RNF10: variants seen among roughly 807,000 people sequenced by gnomAD.
RNF10 encodes the protein E3 ubiquitin-protein ligase RNF10.
In RNF10, 38 loss-of-function variants were observed where a neutral mutation model predicts 91.4. The ratio of observed to expected loss-of-function variants is 0.42; its 90% CI spans 0.32 to 0.54. The LOEUF (loss-of-function observed/expected upper bound fraction) is 0.54, where lower values mean the gene tolerates loss of function less well. Among genes scored for constraint, RNF10 ranks in the 20% least tolerant of loss-of-function variants. RNF10 has a pLI of 0.16. For synonymous variants in RNF10, 364 were observed against 366.3 expected (o/e 0.99, Z 0.07); for missense variants, 945 against 1,012.0 (o/e 0.93, Z 0.90).
Position 120,557,524 on chromosome 12 carries a change from CAT to C in RNF10, c.831-19_831-18del, listed in dbSNP as rs1169954767. 1 of 1,614,130 alleles carries C rather than the reference CAT, an allele frequency of 6.2e-7. No homozygotes were observed. The highest frequency in any genetic ancestry group is 8.5e-7 in the Non-Finnish European group (1 of 1,179,974). On this transcript the variant is annotated intron_variant, in intron 5 of 16. Transcript: ENST00000325954. Reference sequence around the variant, plus strand: ...AATCTCTTCACTCCTTGCCCTGCTACATATGAGTGTCCATGTTTCAGTGTTGT... The same window carrying C: ...AATCTCTTCACTCCTTGCCCTGCTACATGAGTGTCCATGTTTCAGTGTTGT...
At position 120,576,800 on chromosome 12, in the gene RNF10, C is replaced by T. The variant is rs1877457457; in HGVS notation, c.*134C>T. 3 of 1,236,190 alleles carry T rather than the reference C, an allele frequency of 2.4e-6. No individual in the cohort carries two copies. Among genetic ancestry groups the T allele is most frequent in the Non-Finnish European group, 3.4e-6 (3 of 894,092 alleles). 76.6% of individuals were successfully genotyped at this position (1,236,190 alleles called of 1,614,324 possible). A position where few individuals can be genotyped will look rare whatever the true frequency, so the allele number is the denominator to read the frequency against. On this transcript the variant is annotated 3_prime_UTR_variant, in exon 17 of 17. Coordinates refer to ENST00000325954, the MANE Select transcript of RNF10 (RefSeq NM_014868.5). ...TAGCTCTGGGGGGAGGGGGTTTCCA[C>T]AATGTGAGGGGGAACCAAGAAAATT... is the stretch of plus-strand genomic sequence containing the variant.
intron 13 of RNF10, among the ~76,000 whole-genome samples, chr12:120,568,317 G>A (rs1407291147): frequency 6.6e-6 from 1 of 152,092 alleles, no homozygotes; most frequent in African/African-American, 2.4e-5. Flanking sequence ...GAATGAGACT[G>A]GATTGAAATG....
At chr12:120,552,446 A>G (rs956003075) in intron 2 of RNF10, 53 bp from the exon 3 acceptor site, 15 of 1,489,266 alleles carry the variant, frequency 1.0e-5, no homozygotes, top group East Asian at 2.3e-5. Flanking sequence ...GGTTTCTGCT[A>G]TAAATCAGTG....
At position 120,566,848 on chromosome 12, in the gene RNF10, G is replaced by A. The variant is rs760206216; in HGVS notation, c.1909G>A (p.Glu637Lys). 1.2e-6 allele frequency: 2 copies of A among 1,613,202 alleles called. No individual in the cohort carries two copies. The highest frequency in any genetic ancestry group is 1.3e-5 in the African/African-American group (1 of 74,686). Reference protein sequence around the residue: ...GKYPEVHIPLENLQQFPAFNS... With the variant: ...GKYPEVHIPLKNLQQFPAFNS... ...AGACCCAGAAGTCCACATTCCCCTC[G>A]AGAATCTACAGCAGTTTCCTGCCTT... is the stretch of plus-strand genomic sequence containing the variant. The change falls in exon 13 of 17, where the codon GAG (glutamate) becomes AAG (lysine). Residue 637 changes from glutamate (E) to lysine (K), a missense_variant. Physicochemically the swap from Glu to Lys is moderately conservative, Grantham distance 56 (BLOSUM62 1). Transcript: ENST00000325954.
chr12:120,564,987 T>A (rs547016329), intron 10 of RNF10, 85 bp from the exon 11 acceptor site: 10 of 834,602 alleles, frequency 1.2e-5, no homozygotes, highest in African/African-American at 1.0e-4. Context: ...GTGTTATGTA[T>A]ATATTGTTGG....
chr12:120,562,095 A>T (rs1164323293), intron 7 of RNF10, among the ~76,000 whole-genome samples: 2 of 151,938 alleles, frequency 1.3e-5, no homozygotes, highest in African/African-American at 4.8e-5. Flanking sequence ...ATTTTCACCC[A>T]GGTATTAAGC....
chr12:120,565,469 C>T lies in RNF10; in HGVS notation c.1825C>T (p.Arg609Trp), dbSNP rs762812058. Residue 609 changes from arginine (R) to tryptophan (W), a missense_variant, in exon 12 of 17, where the codon CGG (arginine) becomes TGG (tryptophan). Arg to Trp is a moderately radical substitution (Grantham distance 101, BLOSUM62 -3). Transcript: ENST00000325954. ...GAAACGTCAGCGCCAAAAGAAGGCTCGGGAGGAACGCCGCCGAGAGCGCAG... is the reference window on the plus strand; with the variant it reads ...GAAACGTCAGCGCCAAAAGAAGGCTTGGGAGGAACGCCGCCGAGAGCGCAG... ...KRKRQRQKKAREERRRERRIE... is the reference protein window; with the variant it reads ...KRKRQRQKKAWEERRRERRIE... 25 of 1,613,798 alleles carry T rather than the reference C, an allele frequency of 1.5e-5. No individual in the cohort carries two copies. Among genetic ancestry groups the T allele is most frequent in the South Asian group, 3.3e-5 (3 of 91,052 alleles).
At chr12:120,556,204 G>A (rs1298570409) in intron 4 of RNF10, among the ~76,000 whole-genome samples, 1 of 152,024 alleles carries the variant, frequency 6.6e-6, no homozygotes, top group African/African-American at 2.4e-5. Flanking sequence ...AAAATGATGG[G>A]CACTTTTTCT....
At chr12:120,537,797 A>T (rs919660087) in intron 1 of RNF10, among the ~76,000 whole-genome samples, 6 of 152,086 alleles carry the variant, frequency 3.9e-5, no homozygotes, top group African/African-American at 4.8e-5. Context: ...TGGGCTTTGT[A>T]GCCAAATCCA....
Position 120,577,563 on chromosome 12 carries a change from G to T in RNF10, c.*897G>T. ...GTGCATTAGAATGCGAAGGCAAATAGTTGCAATAAATCACCTGCACAAGCA... is the reference window on the plus strand; with the variant it reads ...GTGCATTAGAATGCGAAGGCAAATATTTGCAATAAATCACCTGCACAAGCA... On this transcript the variant is annotated 3_prime_UTR_variant, in exon 17 of 17. Coordinates refer to ENST00000325954, the MANE Select transcript of RNF10 (RefSeq NM_014868.5). 1 of 173,690 alleles carries T rather than the reference G, an allele frequency of 5.8e-6. No homozygotes were observed. The highest frequency in any genetic ancestry group is 1.1e-4 in the South Asian group (1 of 9,146). 10.8% of individuals were successfully genotyped at this position (173,690 alleles called of 1,614,324 possible). A position where few individuals can be genotyped will look rare whatever the true frequency, so the allele number is the denominator to read the frequency against.
At chr12:120,545,440 C>T (rs1872185792) in intron 1 of RNF10, among the ~76,000 whole-genome samples, 1 of 151,690 alleles carries the variant, frequency 6.6e-6, no homozygotes, top group Non-Finnish European at 1.5e-5. Flanking sequence ...GATCCGCCCA[C>T]CTCGGCCTCC....
intron 1 of RNF10, among the ~76,000 whole-genome samples, chr12:120,541,577 GGC>G (rs1316588932): frequency 6.6e-6 from 1 of 151,740 alleles, no homozygotes; most frequent in East Asian, 1.9e-4. Context: ...TGGGACTACA[GGC>G]GCCCGCCACC....
At chr12:120,546,640 T>C in intron 2 of RNF10, 39 bp downstream of exon 2, 1 of 1,565,670 alleles carries the variant, frequency 6.4e-7, no homozygotes, top group Non-Finnish European at 8.7e-7. Context: ...AGCATAAGCA[T>C]GAGATCTGAT....
intron 1 of RNF10, among the ~76,000 whole-genome samples, chr12:120,544,887 A>G (rs1046170348): frequency 3.3e-5 from 5 of 152,194 alleles, no homozygotes; most frequent in African/African-American, 7.2e-5. Flanking sequence ...ATATACAACA[A>G]TGGGGGATTG....
intron 10 of RNF10, among the ~76,000 whole-genome samples, chr12:120,564,466 C>T (rs988660909): frequency 6.6e-6 from 1 of 151,198 alleles, no homozygotes; most frequent in South Asian, 2.1e-4. Context: ...ACAAAAAATA[C>T]AAAAAAAAAT....
chr12:120,563,083 C>T lies in RNF10; in HGVS notation c.1254+13C>T. On this transcript the variant is annotated intron_variant, in intron 8 of 16. Coordinates refer to ENST00000325954, the MANE Select transcript of RNF10 (RefSeq NM_014868.5). ...TCAACCCAGGAAGGTTAGTGTGTTCCTGTTACTAAGTGGCTGCCGTTCCTC... is the reference window on the plus strand; with the variant it reads ...TCAACCCAGGAAGGTTAGTGTGTTCTTGTTACTAAGTGGCTGCCGTTCCTC... 6.2e-7 allele frequency: 1 copy of T among 1,613,974 alleles called. No homozygotes were observed. The highest frequency in any genetic ancestry group is 8.5e-7 in the Non-Finnish European group (1 of 1,179,948).
chr12:120,548,922 G>A (rs1329641660), intron 2 of RNF10, among the ~76,000 whole-genome samples: 5 of 151,980 alleles, frequency 3.3e-5, no homozygotes, highest in South Asian at 2.1e-4. Flanking sequence ...CGCCCGCTTC[G>A]GCCTCCCAAA....
At position 120,558,577 on chromosome 12, in the gene RNF10, A is replaced by T. The variant is rs533709704; in HGVS notation, c.967+895A>T. On this transcript the variant is annotated intron_variant, in intron 6 of 16. Transcript: ENST00000325954. ...TATATAATATAATATGTATATATATATTTTTTTTTGAGACAGAGTCTGGCT... is the reference window on the plus strand; with the variant it reads ...TATATAATATAATATGTATATATATTTTTTTTTTTGAGACAGAGTCTGGCT... 2.0e-3 allele frequency among the ~76,000 whole-genome samples: 293 copies of T among 148,212 alleles called. 1 individual carries two copies. Among genetic ancestry groups the T allele is most frequent in the African/African-American group, 3.8e-3 (154 of 40,378 alleles).
chr12:120,537,569 A>G (rs1871009082), intron 1 of RNF10, among the ~76,000 whole-genome samples: 1 of 152,222 alleles, frequency 6.6e-6, no homozygotes, highest in African/African-American at 2.4e-5. Flanking sequence ...CGGAGGTTGC[A>G]GTAAGCCAAG....
Sources: allele counts gnomAD v4.1 joint callset (sites outside exome capture counted in the v4.1 genomes callset), GRCh38; gene constraint gnomAD v4.1.1; transcripts MANE v1.5; gene names NCBI Gene and HGNC (gene_info 2026-07-23, HGNC 2026-07-21).